Variants in TMEM248 observed in about 807,000 individuals in gnomAD.
The protein encoded by TMEM248 is transmembrane protein 248, also known as UPF0458 protein C7orf42.
In TMEM248, 9 loss-of-function variants were observed where a neutral mutation model predicts 30.3. The ratio of observed to expected loss-of-function variants is 0.30; its 90% CI spans 0.18 to 0.52. The LOEUF is 0.52. Ranked by LOEUF, TMEM248 falls within the 20% of genes least tolerant of loss-of-function variation. TMEM248 has a pLI of 0.97. For missense variants in TMEM248, 338 were observed against 403.3 expected (o/e 0.84, Z 1.39); for synonymous variants, 184 against 154.4 (o/e 1.19, Z -1.42).
intron 1 of TMEM248, among the ~76,000 whole-genome samples, chr7:66,928,576 C>T (rs566688209): frequency 5.6e-4 from 86 of 152,272 alleles, no homozygotes; most frequent in Non-Finnish European, 1.0e-3. Context: ...GCGCTTGGCA[C>T]GGTGCCTGGG....
At chr7:66,945,824 G>A (rs188789038) in intron 3 of TMEM248, among the ~76,000 whole-genome samples, 3 of 152,072 alleles carry the variant, frequency 2.0e-5, no homozygotes, top group Non-Finnish European at 2.9e-5. Flanking sequence ...GGTGGCTCAC[G>A]CCTGTAATCC....
chr7:66,926,458 A>T (rs1791526786), intron 1 of TMEM248, among the ~76,000 whole-genome samples: 1 of 152,138 alleles, frequency 6.6e-6, no homozygotes, highest in South Asian at 2.1e-4. Context: ...TGTCTCTACT[A>T]AAAGTACAAG....
chr7:66,953,595 C>T (rs1029580381), intron 6 of TMEM248, among the ~76,000 whole-genome samples: 3 of 152,136 alleles, frequency 2.0e-5, no homozygotes, highest in Admixed American at 6.6e-5. Flanking sequence ...CATATGACCT[C>T]TGCACATCCT....
At chr7:66,935,176 GATT>G (rs935990527) in intron 1 of TMEM248, among the ~76,000 whole-genome samples, 40 of 152,056 alleles carry the variant, frequency 2.6e-4, no homozygotes, top group African/African-American at 9.4e-4. Flanking sequence ...GTTGTTTCCA[GATT>G]ATTATTGTTA....
chr7:66,942,538 T>A (rs1791990980), intron 2 of TMEM248, among the ~76,000 whole-genome samples: 1 of 152,220 alleles, frequency 6.6e-6, no homozygotes, highest in Non-Finnish European at 1.5e-5. Flanking sequence ...CTCCGTCACC[T>A]AGTCTGGAGT....
chr7:66,934,179 CTTTTATTATTATTATTA>C (rs1271144491), intron 1 of TMEM248, among the ~76,000 whole-genome samples: 4 of 151,056 alleles, frequency 2.6e-5, no homozygotes, highest in South Asian at 2.1e-4. Context: ...TTCAAGCTTT[CTTTTATTATTATTATTA>C]TTTTATTATT....
intron 1 of TMEM248, among the ~76,000 whole-genome samples, chr7:66,925,240 C>G (rs1791492896): frequency 6.6e-6 from 1 of 152,040 alleles, no homozygotes; most frequent in Non-Finnish European, 1.5e-5. Flanking sequence ...AGGCTGGTCT[C>G]AAACTCCTGG....
chr7:66,930,360 T>G (rs1791633054), intron 1 of TMEM248, among the ~76,000 whole-genome samples: 1 of 152,120 alleles, frequency 6.6e-6, no homozygotes, highest in African/African-American at 2.4e-5. Context: ...GTGTCCCCCT[T>G]GAGCAGAGGC....
chr7:66,923,109 A>G (rs567996207), intron 1 of TMEM248, among the ~76,000 whole-genome samples: 1 of 152,138 alleles, frequency 6.6e-6, no homozygotes, highest in South Asian at 2.1e-4. Context: ...TGGTATACCA[A>G]CTGTTCAGGA....
intron 3 of TMEM248, among the ~76,000 whole-genome samples, 198 bp downstream of exon 3, chr7:66,945,459 C>T (rs541010864): frequency 3.3e-5 from 5 of 152,268 alleles, no homozygotes; most frequent in African/African-American, 1.2e-4. Context: ...AGTAGTTTCT[C>T]AAAAGCCTGT....
At position 66,958,116 on chromosome 7, in the gene TMEM248, C is replaced by G. The variant is rs556087356; in HGVS notation, c.*2594C>G. On this transcript the variant is annotated 3_prime_UTR_variant, in exon 7 of 7. Transcript: ENST00000341567. ...CTCAGGATTCGAAGTGTGCAACAGACGGAGTGCGCTTGCTGTTCAGGGCGG... is the reference window on the plus strand; with the variant it reads ...CTCAGGATTCGAAGTGTGCAACAGAGGGAGTGCGCTTGCTGTTCAGGGCGG... 1 of 152,814 alleles carries G rather than the reference C, an allele frequency of 6.5e-6. No homozygotes were observed. Among genetic ancestry groups the G allele is most frequent in the East Asian group, 1.9e-4 (1 of 5,190 alleles). 9.5% of individuals were successfully genotyped at this position (152,814 alleles called of 1,614,324 possible).
At chr7:66,924,454 GA>G (rs1290050944) in intron 1 of TMEM248, among the ~76,000 whole-genome samples, 1 of 152,152 alleles carries the variant, frequency 6.6e-6, no homozygotes, top group Non-Finnish European at 1.5e-5. Context: ...GTCCAGGCTA[GA>G]GTACAGTGGC....
chr7:66,933,753 C>T (rs558981445), intron 1 of TMEM248, among the ~76,000 whole-genome samples: 2 of 152,302 alleles, frequency 1.3e-5, no homozygotes, highest in East Asian at 3.9e-4. Flanking sequence ...AGGTACTGTG[C>T]TGATAGATTT....
chr7:66,929,210 G>A (rs748839332), intron 1 of TMEM248, among the ~76,000 whole-genome samples: 2 of 152,088 alleles, frequency 1.3e-5, no homozygotes, highest in Non-Finnish European at 2.9e-5. Flanking sequence ...GTGATCATGG[G>A]CACATTAGCT....
intron 5 of TMEM248, 44 bp downstream of exon 5, chr7:66,951,179 T>C: frequency 6.7e-7 from 1 of 1,501,342 alleles, no homozygotes; most frequent in Non-Finnish European, 8.9e-7. Context: ...TGCATGCATA[T>C]GCACATGTGT....
chr7:66,951,133 G>A lies in TMEM248; in HGVS notation c.778G>A (p.Asp260Asn). The A allele has an allele frequency of 1.3e-6, 2 of 1,573,506 alleles. No homozygotes were observed. The highest frequency in any genetic ancestry group is 8.6e-7 in the Non-Finnish European group (1 of 1,160,064). ...TCCCAAGCTTACAGTGATTGTTCCAGATGTAAGTGAGAAAAATTGTGTGTG... is the reference window on the plus strand; with the variant it reads ...TCCCAAGCTTACAGTGATTGTTCCAAATGTAAGTGAGAAAAATTGTGTGTG... ...LNPKLTVIVP[D>N]DDRSLINLHL... is the part of the protein sequence containing the mutation. Residue 260 changes from aspartate to asparagine, a missense_variant and splice_region_variant, in exon 5 of 7, where the codon GAT (aspartate) becomes AAT (asparagine). Asp to Asn is a conservative substitution (Grantham distance 23). Transcript: ENST00000341567.
At chr7:66,925,459 C>G (rs1791498020) in intron 1 of TMEM248, among the ~76,000 whole-genome samples, 1 of 152,154 alleles carries the variant, frequency 6.6e-6, no homozygotes, top group African/African-American at 2.4e-5. Context: ...TAGTTCTGCT[C>G]TCTGCTGCAA....
At position 66,955,636 on chromosome 7, in the gene TMEM248, TC is replaced by T; in HGVS notation, c.*116del. 7.7e-7 allele frequency: 1 copy of T among 1,300,050 alleles called. No homozygotes were observed. Among genetic ancestry groups the T allele is most frequent in the Non-Finnish European group, 1.1e-6 (1 of 921,002 alleles). 80.5% of individuals were successfully genotyped at this position (1,300,050 alleles called of 1,614,324 possible). A position where few individuals can be genotyped will look rare whatever the true frequency, so the allele number is the denominator to read the frequency against. On this transcript the variant is annotated 3_prime_UTR_variant, in exon 7 of 7. Transcript: ENST00000341567. ...ACATTATCTTGCGATGTTGGGTTAT[TC>T]CAGCCAAAGACATTTCAAGTGCCTG...
chr7:66,922,388 C>T (rs1257890086), intron 1 of TMEM248: 2 of 152,170 alleles, frequency 1.3e-5, no homozygotes, highest in Non-Finnish European at 2.9e-5. Flanking sequence ...GATGAGTGTT[C>T]CATCAGCGCT....
Sources: allele counts gnomAD v4.1 joint callset (sites outside exome capture counted in the v4.1 genomes callset), GRCh38; gene constraint gnomAD v4.1.1; transcripts MANE v1.5; gene names NCBI Gene and HGNC (gene_info 2026-07-23, HGNC 2026-07-21).